NEK2: variants seen among roughly 807,000 people sequenced by gnomAD.
The protein encoded by NEK2 is NIMA related kinase 2.
Under a neutral mutation model 54.1 loss-of-function variants are expected in NEK2, and 28 were observed. That is an observed-to-expected ratio of 0.52 (90% confidence interval 0.38 to 0.71). The LOEUF is 0.71. NEK2 is among the 30% of genes least tolerant of loss of function. The pLI, the probability that NEK2 is intolerant of heterozygous loss-of-function variation, is 0.00. For synonymous variants in NEK2, 176 were observed against 193.1 expected (o/e 0.91, Z 0.73); for missense variants, 407 against 531.5 (o/e 0.77, Z 2.30).
chr1:211,670,484 AT>A, intron 4 of NEK2, 77 bp from the exon 5 acceptor site: 1 of 1,460,826 alleles, frequency 6.8e-7, no homozygotes, highest in South Asian at 1.3e-5. Context: ...TAGGAACTAA[AT>A]CAAAAGCACA....
At chr1:211,667,282 TA>T (rs995184615) in intron 6 of NEK2, 51 bp from the exon 7 acceptor site, 1 of 1,537,002 alleles carries the variant, frequency 6.5e-7, no homozygotes, top group African/African-American at 1.4e-5. Flanking sequence ...TGACCTTGAC[TA>T]AAAAACAATT....
chr1:211,660,545 ACT>A, downstream of NEK2: 1 of 633,138 alleles, frequency 1.6e-6, no homozygotes, highest in South Asian at 1.4e-5. Context: ...ATCTTAAAGA[ACT>A]CTCCCATCTC....
rs562150187 is a variant in NEK2 at position 211,663,116 on chromosome 1, T to C, written c.*310A>G. On this transcript the variant is annotated 3_prime_UTR_variant, in exon 8 of 8. Coordinates refer to ENST00000366999, the MANE Select transcript of NEK2 (RefSeq NM_002497.4). ...CTGCATAAATATTTTTTTCCTAACATTATTTTTTCTCCCAAGATTTAGAAT... is the reference window on the plus strand; with the variant it reads ...CTGCATAAATATTTTTTTCCTAACACTATTTTTTCTCCCAAGATTTAGAAT... 1.7e-5 allele frequency: 18 copies of C among 1,089,476 alleles called. No homozygotes were observed. In the Admixed American group the frequency reaches 6.0e-4, roughly 36 times the overall value. The allele number at this position is 1,089,476 out of a possible 1,614,324, so 67.5% of individuals were successfully genotyped here.
At chr1:211,670,461 T>C in intron 4 of NEK2, 54 bp from the exon 5 acceptor site, 3 of 1,567,488 alleles carry the variant, frequency 1.9e-6, no homozygotes, top group Admixed American at 3.7e-5. Flanking sequence ...ATTGTAAAAA[T>C]GAAAATATAC....
At chr1:211,661,024 T>G, downstream of NEK2, 1 of 740,246 alleles carries the variant, frequency 1.4e-6, no homozygotes, top group Non-Finnish European at 2.5e-6. Context: ...ATCAGCATCC[T>G]GTTTCCTTGG....
In NEK2 at chr1:211,669,025, T is replaced by C. The variant is rs528100215; in HGVS notation, c.985+88A>G. 2.1e-4 allele frequency: 248 copies of C among 1,192,432 alleles called. 2 individuals are homozygous for C. The South Asian group carries it at 3.3e-3, about 16-fold the overall frequency. The allele number at this position is 1,192,432 out of a possible 1,614,324, so 73.9% of individuals were successfully genotyped here. A position where few individuals can be genotyped will look rare whatever the true frequency, so the allele number is the denominator to read the frequency against. The stretch of plus-strand genomic sequence containing the variant: ...AAGCTTCTAATAAGATCTGTATGTA[T>C]AAAATATTCTGCTCAAAGAGATATT... On this transcript the variant is annotated intron_variant, in intron 6 of 7. Transcript: ENST00000366999.
chr1:211,673,744 C>T (rs1655481659), intron 2 of NEK2, 21 bp from the exon 3 acceptor site: 4 of 1,603,896 alleles, frequency 2.5e-6, no homozygotes, highest in Non-Finnish European at 3.4e-6. Flanking sequence ...AGCAGTTATA[C>T]AGCATATAAC....
chr1:211,674,202 T>C (rs1003417050), intron 2 of NEK2, 94 bp downstream of exon 2: 2 of 1,018,990 alleles, frequency 2.0e-6, no homozygotes, highest in African/African-American at 1.6e-5. Context: ...CAAATACAAA[T>C]ACACTCTTCC....
At position 211,663,596 on chromosome 1, in the gene NEK2, T is replaced by C; in HGVS notation, c.1168A>G (p.Ser390Gly). 6.2e-7 allele frequency: 1 copy of C among 1,613,818 alleles called. No homozygotes were observed. The highest frequency in any genetic ancestry group is 8.5e-7 in the Non-Finnish European group (1 of 1,179,822). ...IKKKVHFSGE[S>G]KENIMRSENS... ...TCACTCCTCATGATGTTCTCTTTACTTTCCCCACTGAAATGAACTTTCTTC... is the reference window on the plus strand; with the variant it reads ...TCACTCCTCATGATGTTCTCTTTACCTTCCCCACTGAAATGAACTTTCTTC... Residue 390 changes from serine (S) to glycine (G), a missense_variant, in exon 8 of 8, where the codon AGT (serine) becomes GGT (glycine). Coordinates refer to ENST00000366999, the MANE Select transcript of NEK2 (RefSeq NM_002497.4).
chr1:211,673,532 T>C lies in NEK2; in HGVS notation c.506A>G (p.Asp169Gly). ...AACAAATGTTTTTGCAAAACTCGTGTCATGGTTTAATATTCTAGCTAGCCC... is the reference window on the plus strand; with the variant it reads ...AACAAATGTTTTTGCAAAACTCGTGCCATGGTTTAATATTCTAGCTAGCCC... ...DFGLARILNH[D>G]TSFAKTFVGT... is the part of the protein sequence containing the mutation. The change falls in exon 3 of 8, where the codon GAC becomes GGC. Residue 169 changes from aspartate to glycine, a missense_variant. Transcript: ENST00000366999. 1 of 1,614,054 alleles carries C rather than the reference T, an allele frequency of 6.2e-7. No homozygotes were observed. Among genetic ancestry groups the C allele is most frequent in the South Asian group, 1.1e-5 (1 of 91,080 alleles).
chr1:211,663,938 T>TA (rs1268684867), intron 7 of NEK2, among the ~76,000 whole-genome samples: 3 of 152,224 alleles, frequency 2.0e-5, no homozygotes, highest in Non-Finnish European at 4.4e-5. Flanking sequence ...CACTGAGTAT[T>TA]ATGGACAACA....
At chr1:211,662,429 C>T (rs563036635), downstream of NEK2, among the ~76,000 whole-genome samples, 1 of 152,204 alleles carries the variant, frequency 6.6e-6, no homozygotes, top group Non-Finnish European at 1.5e-5. This position sits in a 1 kb window ranked among gnomAD's most constrained non-coding sequence, Gnocchi z 4.2. Flanking sequence ...AACCCATGGA[C>T]ATTTTGTTGT....
intron 4 of NEK2, 123 bp downstream of exon 4, chr1:211,671,079 A>C: frequency 1.4e-6 from 1 of 720,588 alleles, no homozygotes; most frequent in East Asian, 2.6e-5. Flanking sequence ...AATTTTACCC[A>C]GGGTACAATT....
intron 6 of NEK2, among the ~76,000 whole-genome samples, chr1:211,668,399 C>T (rs1360096781): frequency 6.6e-6 from 1 of 152,202 alleles, no homozygotes; most frequent in East Asian, 1.9e-4. Context: ...AAATTAGCAT[C>T]TAATCAGTTA....
intron 4 of NEK2, among the ~76,000 whole-genome samples, chr1:211,670,608 G>A (rs753427972): frequency 6.6e-6 from 1 of 151,978 alleles, no homozygotes; most frequent in Non-Finnish European, 1.5e-5. Context: ...TTTGTTGTGG[G>A]GGGCTGTCCT....
rs1233435864 is a variant in NEK2 at position 211,673,507 on chromosome 1, A to G, written c.531T>C (p.Val177=). 6.2e-7 allele frequency: 1 copy of G among 1,614,044 alleles called. No individual in the cohort carries two copies. The highest frequency in any genetic ancestry group is 1.7e-5 in the Admixed American group (1 of 60,012). Residue 177 remains valine, a synonymous_variant, in exon 3 of 8, where the codon GTT becomes GTC. Transcript: ENST00000366999. ...NHDTSFAKTF[V]GTPYYMSPEQ... ...CAGGAGACATGTAATAAGGTGTGCC[A>G]ACAAATGTTTTTGCAAAACTCGTGT...
rs1424637379 is a variant in NEK2, at chr1:211,663,056, A to C, written c.*370T>G. ...CATGACAATTGTAAGCATACCACTC[A>C]GTCATTTAAAACTATTCAGTGAGTG... On this transcript the variant is annotated 3_prime_UTR_variant, in exon 8 of 8. Coordinates refer to ENST00000366999, the MANE Select transcript of NEK2 (RefSeq NM_002497.4). The C allele has an allele frequency of 6.9e-6, 7 of 1,009,866 alleles. No homozygotes were observed. The African/African-American group carries it at 1.2e-4, about 17-fold the overall frequency. The allele number at this position is 1,009,866 out of a possible 1,614,324, so 62.6% of individuals were successfully genotyped here.
intron 1 of NEK2, among the ~76,000 whole-genome samples, chr1:211,674,726 C>T (rs747347957): frequency 6.6e-6 from 1 of 152,104 alleles, no homozygotes; most frequent in Non-Finnish European, 1.5e-5. Flanking sequence ...GGGAGACAAA[C>T]GGGAATGAGG....
chr1:211,671,682 T>C (rs1655398193), intron 3 of NEK2, among the ~76,000 whole-genome samples: 1 of 152,246 alleles, frequency 6.6e-6, no homozygotes, highest in Admixed American at 6.5e-5. Flanking sequence ...GAATTATCCA[T>C]TTATATTTTG....
Sources: allele counts gnomAD v4.1 joint callset (sites outside exome capture counted in the v4.1 genomes callset), GRCh38; gene constraint gnomAD v4.1.1; non-coding constraint Gnocchi (gnomAD v3.1); transcripts MANE v1.5; gene names NCBI Gene and HGNC (gene_info 2026-07-23, HGNC 2026-07-21).